SPNS3: variants seen among roughly 807,000 people sequenced by gnomAD.
The protein encoded by SPNS3 is protein spinster homolog 3.
Under a neutral mutation model 54.4 loss-of-function variants are expected in SPNS3, and 51 were observed. The ratio of observed to expected loss-of-function variants is 0.94; its 90% CI spans 0.75 to 1.18. The LOEUF is 1.18. Ranked by LOEUF, SPNS3 falls within the 50% of genes most tolerant of loss-of-function variation. The pLI, the probability that SPNS3 is intolerant of heterozygous loss-of-function variation, is 0.00. For synonymous variants in SPNS3, 309 were observed against 294.7 expected, an observed-to-expected ratio of 1.05 and a Z score of -0.50; for missense variants, 669 against 677.4, an observed-to-expected ratio of 0.99 and a Z score of 0.14.
At chr17:4,461,392 C>G (rs1397111914) in intron 8 of SPNS3, among the ~76,000 whole-genome samples, 3 of 30,464 alleles carry the variant, frequency 9.8e-5, no homozygotes, top group African/African-American at 3.3e-4. Flanking sequence ...TTTTTTGAGA[C>G]AGGGTCTTGC....
chr17:4,487,717 A>G, intron 11 of SPNS3, 89 bp from the exon 12 acceptor site: 1 of 1,159,536 alleles, frequency 8.6e-7, no homozygotes, highest in Non-Finnish European at 1.3e-6. Context: ...GACAGAGAGG[A>G]TTTCCTGACA....
At chr17:4,456,055 A>G (rs1324128143) in intron 8 of SPNS3, among the ~76,000 whole-genome samples, 1 of 152,004 alleles carries the variant, frequency 6.6e-6, no homozygotes, top group Non-Finnish European at 1.5e-5. Context: ...GGGCTCCAGC[A>G]ATCCTCTTGC....
At chr17:4,472,167 T>A (rs920964785) in intron 8 of SPNS3, among the ~76,000 whole-genome samples, 6 of 152,180 alleles carry the variant, frequency 3.9e-5, no homozygotes, top group Admixed American at 1.3e-4. Flanking sequence ...CCAAGTTGGA[T>A]TTTTTTCTCC....
intron 11 of SPNS3, 26 bp from the exon 12 acceptor site, chr17:4,487,780 C>T (rs778860443): frequency 1.9e-6 from 3 of 1,609,232 alleles, no homozygotes; most frequent in African/African-American, 2.7e-5. Context: ...AACCTTCGGG[C>T]AGGCTGAGCA....
At chr17:4,452,484 G>A (rs961868530) in intron 7 of SPNS3, among the ~76,000 whole-genome samples, 7 of 152,044 alleles carry the variant, frequency 4.6e-5, no homozygotes, top group Non-Finnish European at 1.0e-4. Flanking sequence ...CCTGAGAGGG[G>A]TTCAAAGACG....
chr17:4,470,421 C>T (rs1012279257), intron 8 of SPNS3, among the ~76,000 whole-genome samples: 2 of 152,028 alleles, frequency 1.3e-5, no homozygotes, highest in African/African-American at 4.8e-5. Flanking sequence ...GAGCAAGACC[C>T]TGTCTTAAAA....
At chr17:4,472,783 T>A (rs1277722123) in intron 8 of SPNS3, among the ~76,000 whole-genome samples, 9 of 79,756 alleles carry the variant, frequency 1.1e-4, no homozygotes, top group African/African-American at 4.8e-4. Flanking sequence ...CCTTTTTTTT[T>A]TTTTTTTTTT....
At chr17:4,466,219 A>G (rs1297757409) in intron 8 of SPNS3, among the ~76,000 whole-genome samples, 2 of 152,222 alleles carry the variant, frequency 1.3e-5, no homozygotes, top group African/African-American at 2.4e-5. Context: ...AGGCAAAAGT[A>G]TGTGTGTGTA....
At chr17:4,462,870 AATCC>A (rs1297005246) in intron 8 of SPNS3, among the ~76,000 whole-genome samples, 1 of 9,338 alleles carries the variant, frequency 1.1e-4, no homozygotes, top group African/African-American at 3.8e-4. Flanking sequence ...CCCACCCACC[AATCC>A]ATCCATCCAT....
chr17:4,439,434 C>T (rs1234129194), intron 1 of SPNS3, among the ~76,000 whole-genome samples: 3 of 152,082 alleles, frequency 2.0e-5, no homozygotes, highest in African/African-American at 2.4e-5. Flanking sequence ...CCAAGGGATG[C>T]TTGTTTCTTT....
chr17:4,439,506 G>A lies in SPNS3; in HGVS notation c.200-152G>A, dbSNP rs1970794468. 1.9e-5 allele frequency: 12 copies of A among 636,686 alleles called. No individual in the cohort carries two copies. The South Asian group carries it at 2.1e-4, about 11-fold the overall frequency. 39.4% of individuals were successfully genotyped at this position (636,686 alleles called of 1,614,324 possible). On this transcript the variant is annotated intron_variant, in intron 1 of 11. Transcript: ENST00000355530. ...CTCTTGTGTGTGTGGTTGTACAGCTGTATGGGAGAGAGGGGGAGAGAACAG... is the reference window on the plus strand; with the variant it reads ...CTCTTGTGTGTGTGGTTGTACAGCTATATGGGAGAGAGGGGGAGAGAACAG...
chr17:4,452,650 C>T (rs949860505), intron 7 of SPNS3, among the ~76,000 whole-genome samples: 2 of 151,924 alleles, frequency 1.3e-5, no homozygotes, highest in East Asian at 1.9e-4. Context: ...CAGGGTGGGA[C>T]CCTGGAATTC....
intron 8 of SPNS3, among the ~76,000 whole-genome samples, chr17:4,475,845 G>C (rs572062760): frequency 6.6e-6 from 1 of 152,186 alleles, no homozygotes; most frequent in Non-Finnish European, 1.5e-5. Flanking sequence ...TGGAGCCCGG[G>C]TTTGAACTGC....
Position 4,487,167 on chromosome 17 carries a change from CAAAA to C in SPNS3, c.1450+605_1450+608del, listed in dbSNP as rs35822922. 5.5e-3 allele frequency among the ~76,000 whole-genome samples: 391 copies of C among 70,508 alleles called. 1 individual carries two copies. The highest frequency in any genetic ancestry group is 0.02 in the African/African-American group (359 of 18,106). 46.3% of individuals were successfully genotyped at this position (70,508 alleles called of 152,430 possible). On this transcript the variant is annotated intron_variant, in intron 11 of 11. Transcript: ENST00000355530. The stretch of plus-strand genomic sequence containing the variant: ...AGCCTGGGCGACAGCAAGACTGTCT[CAAAA>C]AAAAAAAAAAAAAAAAAAAAGGGAC...
chr17:4,473,745 C>A (rs1490428845), intron 8 of SPNS3, among the ~76,000 whole-genome samples: 1 of 152,040 alleles, frequency 6.6e-6, no homozygotes, highest in Non-Finnish European at 1.5e-5. Flanking sequence ...TGATAACTGC[C>A]CATCTGGTGT....
chr17:4,453,866 G>A (rs57778700), intron 8 of SPNS3, among the ~76,000 whole-genome samples: 8 of 152,160 alleles, frequency 5.3e-5, no homozygotes, highest in African/African-American at 1.4e-4. Flanking sequence ...CAATGTGGAC[G>A]CTGCTTTAAG....
At chr17:4,436,401 T>G (rs1970719307) in intron 1 of SPNS3, among the ~76,000 whole-genome samples, 1 of 152,144 alleles carries the variant, frequency 6.6e-6, no homozygotes, top group Non-Finnish European at 1.5e-5. Flanking sequence ...GAGACCAGCC[T>G]GGGTAACATA....
At chr17:4,470,709 A>G (rs1401331615) in intron 8 of SPNS3, among the ~76,000 whole-genome samples, 3 of 152,130 alleles carry the variant, frequency 2.0e-5, no homozygotes, top group South Asian at 4.1e-4. Flanking sequence ...AGAATCATAT[A>G]ATATGTTTAA....
intron 8 of SPNS3, among the ~76,000 whole-genome samples, chr17:4,458,031 T>C (rs1211668615): frequency 6.6e-6 from 1 of 151,856 alleles, no homozygotes; most frequent in Non-Finnish European, 1.5e-5. Flanking sequence ...CTTGGCTCTG[T>C]CTGTGCCTCC....
Sources: gnomAD v4.1 joint callset for allele counts (sites outside exome capture counted in the v4.1 genomes callset) on GRCh38, gnomAD v4.1.1 for gene constraint, MANE v1.5 for transcripts, NCBI Gene and HGNC (gene_info 2026-07-23, HGNC 2026-07-21) for gene names.